The following DPP6 variants were observed in gnomAD, a reference collection of about 807,000 sequenced individuals.
The protein encoded by DPP6 is A-type potassium channel modulatory protein DPP6.
A neutral mutation model predicts 122.6 loss-of-function variants in DPP6; 69 were observed. The ratio of observed to expected loss-of-function variants is 0.56; its 90% CI spans 0.46 to 0.69. DPP6 has a LOEUF of 0.69. Among genes scored for constraint, DPP6 ranks in the 30% least tolerant of loss-of-function variants. The pLI is 0.00. For missense variants in DPP6, 928 were observed against 1,116.9 expected, an observed-to-expected ratio of 0.83 and a Z score of 2.41; for synonymous variants, 418 against 433.1, an observed-to-expected ratio of 0.97 and a Z score of 0.43.
chr7:154,762,034 C>T (rs972058241), intron 8 of DPP6, among the ~76,000 whole-genome samples: 4 of 152,188 alleles, frequency 2.6e-5, no homozygotes, highest in Admixed American at 2.6e-4. Flanking sequence ...TGAGAAGCCG[C>T]TCACTATCAT....
intron 1 of DPP6, among the ~76,000 whole-genome samples, chr7:153,950,669 G>A (rs1563040573): frequency 6.6e-6 from 1 of 152,160 alleles, no homozygotes; most frequent in South Asian, 2.1e-4. Flanking sequence ...TACAGAGAGA[G>A]GAGCTGTGAG....
Position 154,893,126 on chromosome 7 carries a change from T to A in DPP6, c.*646T>A, listed in dbSNP as rs1806763729. On this transcript the variant is annotated 3_prime_UTR_variant, in exon 26 of 26. Transcript: ENST00000377770. ...ACCTGATGCTCCACTGTCTCCGTCA[T>A]GGGGTTGTTTTGCTGTTTGGGGTTG... is the stretch of plus-strand genomic sequence containing the variant. 1 of 353,736 alleles carries A rather than the reference T, an allele frequency of 2.8e-6. No homozygotes were observed. Among genetic ancestry groups the A allele is most frequent in the African/African-American group, 2.1e-5 (1 of 46,802 alleles). The allele number at this position is 353,736 out of a possible 1,614,324, so 21.9% of individuals were successfully genotyped here.
At chr7:154,191,583 A>C (rs781132526) in intron 1 of DPP6, among the ~76,000 whole-genome samples, 1 of 152,210 alleles carries the variant, frequency 6.6e-6, no homozygotes, top group Non-Finnish European at 1.5e-5. Context: ...TGCTCAGTGC[A>C]TAGCTATTGA....
At chr7:153,922,128 T>C (rs1206540716) in intron 1 of DPP6, among the ~76,000 whole-genome samples, 1 of 152,240 alleles carries the variant, frequency 6.6e-6, no homozygotes, top group Non-Finnish European at 1.5e-5. Context: ...TGATGATGAC[T>C]CGATGGCAAG....
At chr7:154,337,970 A>G (rs1809580128) in intron 1 of DPP6, among the ~76,000 whole-genome samples, 1 of 152,198 alleles carries the variant, frequency 6.6e-6, no homozygotes, top group Admixed American at 6.5e-5. Context: ...CCACAGGAGA[A>G]GGTGACTCCA....
rs938265244 is a variant in DPP6, at chr7:154,101,232, C to T, written c.243+48169C>T. Among the ~76,000 whole-genome samples the T allele has an allele frequency of 7.5e-5, 10 of 133,036 alleles. 2 individuals carry two copies. In the East Asian group the frequency reaches 7.5e-4, roughly 10 times the overall value. The allele number at this position is 133,036 out of a possible 152,430, so 87.3% of individuals were successfully genotyped here. On this transcript the variant is annotated intron_variant, in intron 1 of 25. Transcript: ENST00000377770. The stretch of plus-strand genomic sequence containing the variant: ...TGCTTAATTCTACCACAACAAACAA[C>T]GCAGTATTAAAATTGTCTGTGCAGC...
At chr7:154,749,489 A>G (rs11770397) in intron 8 of DPP6, among the ~76,000 whole-genome samples, 90 of 109,556 alleles carry the variant, frequency 8.2e-4, no homozygotes, top group Non-Finnish European at 9.5e-4. Context: ...AGGACGGGAG[A>G]GAGAGGGATG....
At chr7:153,868,314 T>C in the DPP6 span, among the ~76,000 whole-genome samples, 1 of 152,212 alleles carries the variant, frequency 6.6e-6, no homozygotes, top group Non-Finnish European at 1.5e-5. Flanking sequence ...TATTAATTAT[T>C]GCCTCAATTT....
chr7:153,987,447 C>T (rs941201626), intron 1 of DPP6, among the ~76,000 whole-genome samples: 3 of 152,188 alleles, frequency 2.0e-5, no homozygotes, highest in African/African-American at 7.2e-5. Flanking sequence ...GCTTATTCCC[C>T]CTCACCAGGG....
At chr7:154,697,287 G>T (rs1044949985) in intron 7 of DPP6, among the ~76,000 whole-genome samples, 1 of 152,152 alleles carries the variant, frequency 6.6e-6, no homozygotes, top group Admixed American at 6.5e-5. Context: ...GACAACCCAG[G>T]CCGCCATGAC....
chr7:154,055,825 G>C (rs1457038079), intron 1 of DPP6: 2 of 152,252 alleles, frequency 1.3e-5, no homozygotes, highest in African/African-American at 2.4e-5. Context: ...AGGGAAGACT[G>C]TTCCAAGGTA....
At chr7:154,298,805 G>A (rs764890222) in intron 1 of DPP6, among the ~76,000 whole-genome samples, 7 of 152,160 alleles carry the variant, frequency 4.6e-5, no homozygotes, top group Admixed American at 3.3e-4. Flanking sequence ...AAGCCTGGGG[G>A]AGGGACAGAC....
rs71534169 is a variant in DPP6, at chr7:154,801,156, T to G, written c.1300-199T>G. On this transcript the variant is annotated intron_variant, in intron 12 of 25. Coordinates refer to ENST00000377770, the MANE Select transcript of DPP6 (RefSeq NM_130797.4). ...GCTGTAGCCTCTTAATTCCTCCATCTTCTTCTTTTAGAAAACGTAACAGTT... is the reference window on the plus strand; with the variant it reads ...GCTGTAGCCTCTTAATTCCTCCATCGTCTTCTTTTAGAAAACGTAACAGTT... Among the ~76,000 whole-genome samples the G allele has an allele frequency of 0.045, 6,853 of 152,226 alleles. 209 individuals carry two copies. Among genetic ancestry groups the G allele is most frequent in the Non-Finnish European group, 0.075 (5,111 of 67,984 alleles).
intron 1 of DPP6, among the ~76,000 whole-genome samples, chr7:154,326,025 T>C (rs1463412347): frequency 6.6e-6 from 1 of 152,228 alleles, no homozygotes; most frequent in Non-Finnish European, 1.5e-5. Context: ...ATGAAGCCTG[T>C]ACTTCTTTAG....
chr7:153,999,990 A>T (rs1188046891), intron 1 of DPP6, among the ~76,000 whole-genome samples: 198 of 151,708 alleles, frequency 1.3e-3, no homozygotes, highest in South Asian at 2.9e-3. Context: ...GAAAAAAAAA[A>T]CTCAAGCTCC....
At chr7:153,913,678 G>A (rs1800183452) in intron 1 of DPP6, among the ~76,000 whole-genome samples, 1 of 150,558 alleles carries the variant, frequency 6.6e-6, no homozygotes. Context: ...CAGTTTTGGG[G>A]ACCATTGTTA....
chr7:154,648,118 G>A (rs1490271958), intron 6 of DPP6, among the ~76,000 whole-genome samples: 1 of 151,960 alleles, frequency 6.6e-6, no homozygotes, highest in African/African-American at 2.4e-5. Context: ...AAATTAGCCG[G>A]GCATGGTGGT....
intron 16 of DPP6, among the ~76,000 whole-genome samples, chr7:154,836,622 CA>C (rs1239443663): frequency 6.6e-6 from 1 of 152,008 alleles, no homozygotes; most frequent in African/African-American, 2.4e-5. Context: ...ACTGACATGA[CA>C]AAAAATGAGG....
At chr7:154,148,328 A>G (rs1208851302) in intron 1 of DPP6, among the ~76,000 whole-genome samples, 4 of 147,716 alleles carry the variant, frequency 2.7e-5, no homozygotes, top group Non-Finnish European at 4.5e-5. Flanking sequence ...TTGCTGGCCA[A>G]CGTTCCAGCC....
Sources: allele counts gnomAD v4.1 joint callset (sites outside exome capture counted in the v4.1 genomes callset), GRCh38; gene constraint gnomAD v4.1.1; transcripts MANE v1.5; gene names NCBI Gene and HGNC (gene_info 2026-07-23, HGNC 2026-07-21).